Variants in ARL15 observed in about 807,000 individuals in gnomAD.
ARL15 encodes ARF like GTPase 15.
Under a neutral mutation model 25.2 loss-of-function variants are expected in ARL15, and 19 were observed. The ratio of observed to expected loss-of-function variants is 0.75; its 90% CI spans 0.53 to 1.10. The LOEUF is 1.10. Ranked by LOEUF, ARL15 falls within the 50% of genes least tolerant of loss-of-function variation. The pLI, the probability that ARL15 is intolerant of heterozygous loss-of-function variation, is 0.00. For synonymous variants in ARL15, 94 were observed against 86.8 expected, an observed-to-expected ratio of 1.08 and a Z score of -0.46; for missense variants, 220 against 246.0, an observed-to-expected ratio of 0.89 and a Z score of 0.71.
intron 4 of ARL15, among the ~76,000 whole-genome samples, chr5:54,009,612 G>T (rs1373460918): frequency 2.6e-5 from 4 of 152,100 alleles, no homozygotes; most frequent in African/African-American, 9.7e-5. Context: ...AAACTCTTTT[G>T]TCTTCAGCCC....
intron 4 of ARL15, among the ~76,000 whole-genome samples, chr5:54,028,806 G>A (rs1185613100): frequency 6.6e-6 from 1 of 152,106 alleles, no homozygotes; most frequent in African/African-American, 2.4e-5. Flanking sequence ...AAGACCAGGA[G>A]TTTAAGATCA....
chr5:54,159,640 C>G (rs943818440), intron 2 of ARL15, among the ~76,000 whole-genome samples: 6 of 152,202 alleles, frequency 3.9e-5, no homozygotes, highest in Non-Finnish European at 7.4e-5. Flanking sequence ...TCCATTCAAA[C>G]AATTTGATGG....
At chr5:53,994,445 A>T (rs760511207) in intron 4 of ARL15, among the ~76,000 whole-genome samples, 3 of 152,246 alleles carry the variant, frequency 2.0e-5, no homozygotes, top group Non-Finnish European at 4.4e-5. Context: ...TAATTACATG[A>T]GAAAACAACA....
At chr5:53,921,234 T>G (rs1745852470) in intron 4 of ARL15, among the ~76,000 whole-genome samples, 2 of 152,320 alleles carry the variant, frequency 1.3e-5, no homozygotes, top group South Asian at 4.1e-4. Context: ...GGTAAGTCAC[T>G]TGTTCAAGAG....
At chr5:54,089,561 A>G (rs975413063) in intron 4 of ARL15, among the ~76,000 whole-genome samples, 2 of 152,226 alleles carry the variant, frequency 1.3e-5, no homozygotes, top group Non-Finnish European at 2.9e-5. Context: ...AAAGGCATTT[A>G]TCTATTTAAA....
rs1054746064 is a variant in ARL15, at chr5:54,180,021, A to G, written c.49-8093T>C. On this transcript the variant is annotated intron_variant, in intron 1 of 4. Transcript: ENST00000504924. ...TGACACAGCGAGACTGTCTCGAGAA[A>G]AAAAAAAAAAAAAAAAGAGAAGCCC... 1.9e-4 allele frequency among the ~76,000 whole-genome samples: 19 copies of G among 97,550 alleles called. No individual in the cohort carries two copies. The East Asian group carries it at 9.4e-3, about 48-fold the overall frequency. 64.0% of individuals were successfully genotyped at this position (97,550 alleles called of 152,430 possible).
At chr5:54,172,926 A>G (rs2112404920) in intron 1 of ARL15, among the ~76,000 whole-genome samples, 1 of 152,300 alleles carries the variant, frequency 6.6e-6, no homozygotes, top group South Asian at 2.1e-4. Flanking sequence ...AGTTAAAGAC[A>G]AGGGGATCTG....
chr5:53,941,843 G>A (rs1337605051), intron 4 of ARL15, among the ~76,000 whole-genome samples: 2 of 151,958 alleles, frequency 1.3e-5, no homozygotes, highest in African/African-American at 4.8e-5. Flanking sequence ...TCTACAGGGT[G>A]CTCACCTCTA....
At chr5:53,918,021 T>C (rs1745713486) in intron 4 of ARL15, among the ~76,000 whole-genome samples, 1 of 152,104 alleles carries the variant, frequency 6.6e-6, no homozygotes, top group South Asian at 2.1e-4. Flanking sequence ...ATACGACATA[T>C]GCAATAAGAA....
chr5:54,012,301 T>G (rs150674536), intron 4 of ARL15, among the ~76,000 whole-genome samples: 6 of 152,172 alleles, frequency 3.9e-5, no homozygotes, highest in Non-Finnish European at 7.3e-5. Context: ...AACTGGCTGA[T>G]AGTCCTCTTC....
chr5:53,907,270 T>C (rs1745276304), intron 4 of ARL15, among the ~76,000 whole-genome samples: 1 of 151,820 alleles, frequency 6.6e-6, no homozygotes, highest in African/African-American at 2.4e-5. Context: ...GTTAGCTTTC[T>C]TAGACATACC....
At chr5:54,008,340 T>C (rs1749114658) in intron 4 of ARL15, among the ~76,000 whole-genome samples, 1 of 152,216 alleles carries the variant, frequency 6.6e-6, no homozygotes, top group Admixed American at 6.5e-5. Context: ...TCTTTAAGTG[T>C]TAATGCATTG....
intron 1 of ARL15, among the ~76,000 whole-genome samples, chr5:54,273,435 T>C (rs2112650802): frequency 6.6e-6 from 1 of 152,278 alleles, no homozygotes; most frequent in East Asian, 1.9e-4. Flanking sequence ...AAATCTAAAC[T>C]GAAAGAAATT....
chr5:54,282,552 A>G (rs1758086624), intron 1 of ARL15: 1 of 985,334 alleles, frequency 1.0e-6, no homozygotes, highest in South Asian at 4.7e-5. Context: ...TAAGGCAGAT[A>G]CTTTGTCCTC....
At chr5:53,943,617 A>G (rs1746619639) in intron 4 of ARL15, among the ~76,000 whole-genome samples, 1 of 152,228 alleles carries the variant, frequency 6.6e-6, no homozygotes, top group South Asian at 2.1e-4. Context: ...ACAGTGCTTA[A>G]AGATGAGGTT....
chr5:53,906,535 C>T (rs1253465425), intron 4 of ARL15, among the ~76,000 whole-genome samples: 3 of 152,148 alleles, frequency 2.0e-5, no homozygotes, highest in African/African-American at 4.8e-5. Context: ...ACTAACTATT[C>T]TCTTTCTTGT....
chr5:53,896,789 G>A lies in ARL15; in HGVS notation c.463-10076C>T, dbSNP rs115534263. Among the ~76,000 whole-genome samples, 476 of 152,286 alleles carry A rather than the reference G, an allele frequency of 3.1e-3. 2 individuals are homozygous for A. Among genetic ancestry groups the A allele is most frequent in the African/African-American group, 0.011 (453 of 41,566 alleles). ...GGGATTACAGGTTGTGAGCCACCGC[G>A]CCCAGCCCAAACTTGGGTTGCTTTT... On this transcript the variant is annotated intron_variant, in intron 4 of 4. Transcript: ENST00000504924.
chr5:54,120,601 G>A (rs1031018645), intron 3 of ARL15, among the ~76,000 whole-genome samples: 1 of 152,178 alleles, frequency 6.6e-6, no homozygotes, highest in African/African-American at 2.4e-5. Context: ...GCCAACAGCT[G>A]ACTCCTTAGA....
chr5:54,162,024 C>CACACACACAG (rs148833900), intron 2 of ARL15, among the ~76,000 whole-genome samples: 26,557 of 144,814 alleles, frequency 0.18, 2,927 homozygotes, highest in Admixed American at 0.3. Flanking sequence ...CACACACACA[C>CACACACACAG]AGAGAGAGAT....
Sources: allele counts gnomAD v4.1 joint callset (sites outside exome capture counted in the v4.1 genomes callset), GRCh38; gene constraint gnomAD v4.1.1; transcripts MANE v1.5; gene names NCBI Gene and HGNC (gene_info 2026-07-23, HGNC 2026-07-21).